HTR2C: variants seen among roughly 807,000 people sequenced by gnomAD.
HTR2C encodes 5-hydroxytryptamine receptor 2C, also known as 5-hydroxytryptamine (serotonin) receptor 2C, G protein-coupled.
Under a neutral mutation model 21.0 loss-of-function variants are expected in HTR2C, and 5 were observed. That is an observed-to-expected ratio of 0.24 (90% CI 0.12 to 0.50). The LOEUF is 0.50. Among genes scored for constraint, HTR2C ranks in the 20% least tolerant of loss-of-function variants. The pLI is 0.98. For missense variants in HTR2C, 271 were observed against 371.2 expected, an observed-to-expected ratio of 0.73 and a Z score of 2.22; for synonymous variants, 150 against 145.3, an observed-to-expected ratio of 1.03 and a Z score of -0.23.
intron 4 of HTR2C, among the ~76,000 whole-genome samples, chrX:114,828,390 T>C (rs2070695197): frequency 1.8e-5 from 2 of 111,374 alleles, no homozygotes; most frequent in South Asian, 7.4e-4. Context: ...GTAGCTGCCT[T>C]GAAGTCTTTG....
At chrX:114,846,063 G>A (rs1556467355) in intron 4 of HTR2C, among the ~76,000 whole-genome samples, 1 of 110,914 alleles carries the variant, frequency 9.0e-6, no homozygotes, top group African/African-American at 3.3e-5. Flanking sequence ...TTATACACCA[G>A]TAAATTAAAT....
chrX:114,904,223 T>A (rs1330855962), intron 5 of HTR2C, among the ~76,000 whole-genome samples: 1 of 111,469 alleles, frequency 9.0e-6, no homozygotes, highest in Non-Finnish European at 1.9e-5. Context: ...TTGAAAAAAA[T>A]TATTAAACTT....
chrX:114,875,856 CT>C (rs200514793), intron 5 of HTR2C, among the ~76,000 whole-genome samples: 8 of 105,263 alleles, frequency 7.6e-5, no homozygotes, highest in African/African-American at 1.7e-4. Flanking sequence ...TTGCTTCTTA[CT>C]TTTTTTTTTC....
At chrX:114,728,930 A>G (rs782557135) in intron 3 of HTR2C, among the ~76,000 whole-genome samples, 80 of 112,350 alleles carry the variant, frequency 7.1e-4, no homozygotes, top group African/African-American at 2.4e-3. Flanking sequence ...ACCTTATTCT[A>G]TAGGTTTAAG....
intron 5 of HTR2C, among the ~76,000 whole-genome samples, chrX:114,853,916 T>A (rs1435607333): frequency 1.8e-5 from 2 of 111,735 alleles, no homozygotes; most frequent in Non-Finnish European, 3.8e-5. Flanking sequence ...ATAATTTAAT[T>A]TAAGAAAAAA....
intron 4 of HTR2C, among the ~76,000 whole-genome samples, chrX:114,836,336 T>G: frequency 8.9e-6 from 1 of 112,282 alleles, no homozygotes; most frequent in Non-Finnish European, 1.9e-5. Context: ...GATCTCAGAC[T>G]GCTGTGCTAG....
At chrX:114,743,013 A>G (rs1437111270) in intron 4 of HTR2C, among the ~76,000 whole-genome samples, 1 of 64,008 alleles carries the variant, frequency 1.6e-5, no homozygotes, top group African/African-American at 6.0e-5. Context: ...GTTTACTGAG[A>G]ATGATGGTTT....
intron 2 of HTR2C, among the ~76,000 whole-genome samples, chrX:114,630,432 T>C (rs1929565485): frequency 8.9e-6 from 1 of 112,276 alleles, no homozygotes; most frequent in Non-Finnish European, 1.9e-5. Flanking sequence ...TTATTAAATG[T>C]TTAACAACTA....
Position 114,593,469 on chromosome X carries a change from C to T in HTR2C, c.-147+8810C>T, listed in dbSNP as rs1233334958. Among the ~76,000 whole-genome samples the T allele has an allele frequency of 3.6e-5, 4 of 111,571 alleles. No homozygotes were observed. The East Asian group carries it at 1.1e-3, about 31-fold the overall frequency. ...GGCAGGCCTGGTGTTAAAGGTTTTA[C>T]ATGCATCACGTCACTTTTAAATTTG... On this transcript the variant is annotated intron_variant, in intron 1 of 5. Coordinates refer to ENST00000276198, the MANE Select transcript of HTR2C (RefSeq NM_000868.4).
At chrX:114,703,201 C>T (rs1350041485) in intron 2 of HTR2C, among the ~76,000 whole-genome samples, 7 of 107,365 alleles carry the variant, frequency 6.5e-5, no homozygotes, top group Admixed American at 3.1e-4. Flanking sequence ...AGCTCTGCAC[C>T]AAGAGGACCT....
chrX:114,625,412 C>T (rs1401261153), intron 2 of HTR2C, among the ~76,000 whole-genome samples: 1 of 111,320 alleles, frequency 9.0e-6, no homozygotes, highest in African/African-American at 3.3e-5. Context: ...AATGAGTGAG[C>T]TCTTGCTCTG....
At chrX:114,894,702 A>ATTTT (rs1556483658) in intron 5 of HTR2C, among the ~76,000 whole-genome samples, 1 of 110,758 alleles carries the variant, frequency 9.0e-6, no homozygotes, top group Non-Finnish European at 1.9e-5. Context: ...TTATTTATTT[A>ATTTT]TCCATTTATT....
intron 4 of HTR2C, among the ~76,000 whole-genome samples, chrX:114,815,843 CTG>C (rs1283009840): frequency 9.0e-6 from 1 of 111,410 alleles, no homozygotes; most frequent in Middle Eastern, 4.2e-3. Flanking sequence ...TGCCCCTCCT[CTG>C]TGATCAGTTT....
At chrX:114,900,938 CAT>C (rs2071332926) in intron 5 of HTR2C, among the ~76,000 whole-genome samples, 1 of 112,234 alleles carries the variant, frequency 8.9e-6, no homozygotes, top group Non-Finnish European at 1.9e-5. Flanking sequence ...TTCGTAATGA[CAT>C]AACTTTTCAC....
chrX:114,829,971 A>C (rs1165246942), intron 4 of HTR2C, among the ~76,000 whole-genome samples: 1 of 111,537 alleles, frequency 9.0e-6, no homozygotes, highest in Admixed American at 9.6e-5. Context: ...CCTTAAGATT[A>C]AATATTTATT....
intron 5 of HTR2C, among the ~76,000 whole-genome samples, chrX:114,902,652 C>T (rs1303752321): frequency 9.1e-6 from 1 of 110,142 alleles, no homozygotes; most frequent in Non-Finnish European, 1.9e-5. Flanking sequence ...GTTCTGTCAC[C>T]CAGGCTGGAG....
At chrX:114,744,613 C>T (rs1415440613) in intron 4 of HTR2C, among the ~76,000 whole-genome samples, 1 of 109,641 alleles carries the variant, frequency 9.1e-6, no homozygotes, top group Admixed American at 9.8e-5. Context: ...CCCTAATGCC[C>T]GGCTAATTTT....
At chrX:114,612,388 G>T (rs1556398898) in intron 1 of HTR2C, among the ~76,000 whole-genome samples, 1 of 111,160 alleles carries the variant, frequency 9.0e-6, no homozygotes, top group African/African-American at 3.3e-5. Flanking sequence ...TTATGTGTTT[G>T]GGGAAATTTT....
intron 4 of HTR2C, among the ~76,000 whole-genome samples, chrX:114,755,227 C>T (rs188041306): frequency 1.0e-3 from 100 of 98,136 alleles, no homozygotes; most frequent in African/African-American, 3.5e-3. Context: ...GGGACAAGAG[C>T]GAGACTTCAT....
Sources: allele counts gnomAD v4.1 joint callset (sites outside exome capture counted in the v4.1 genomes callset), GRCh38; gene constraint gnomAD v4.1.1; transcripts MANE v1.5; gene names NCBI Gene and HGNC (gene_info 2026-07-23, HGNC 2026-07-21).